The following DAB1 variants were observed in gnomAD, a reference collection of about 807,000 sequenced individuals.
The protein encoded by DAB1 is DAB adaptor protein 1, also known as disabled homolog 1.
A neutral mutation model predicts 64.6 loss-of-function variants in DAB1; 15 were observed. That is an observed-to-expected ratio of 0.23 (90% confidence interval 0.16 to 0.36). The LOEUF (loss-of-function observed/expected upper bound fraction) is 0.36. DAB1 is among the 10% of genes least tolerant of loss of function. The pLI is 1.00. For synonymous variants in DAB1, 235 were observed against 251.9 expected (o/e 0.93, Z 0.64); for missense variants, 596 against 706.7 (o/e 0.84, Z 1.78).
chr1:58,217,835 G>A (rs939748610), intron 4 of DAB1, among the ~76,000 whole-genome samples: 13 of 151,890 alleles, frequency 8.6e-5, no homozygotes, highest in African/African-American at 2.2e-4. Context: ...CACAGAGCCC[G>A]GCACTTGGTA....
At chr1:58,132,578 G>A (rs1653688100) in intron 5 of DAB1, among the ~76,000 whole-genome samples, 1 of 152,168 alleles carries the variant, frequency 6.6e-6, no homozygotes, top group Admixed American at 6.5e-5. Flanking sequence ...CAGTCTGCGT[G>A]AGATGAAACA....
intron 4 of DAB1, among the ~76,000 whole-genome samples, chr1:58,171,161 G>A (rs560909402): frequency 1.3e-5 from 2 of 152,206 alleles, no homozygotes; most frequent in African/African-American, 4.8e-5. Context: ...CATGAATATG[G>A]GGAACAAGTT....
At chr1:57,559,091 A>C (rs1171486549) in intron 7 of DAB1, among the ~76,000 whole-genome samples, 1 of 152,182 alleles carries the variant, frequency 6.6e-6, no homozygotes. Flanking sequence ...TCAACCATCA[A>C]AGGCAAGCTG....
At chr1:58,358,953 A>AACACACACACACACACACACAC (rs57077530) in intron 3 of DAB1, among the ~76,000 whole-genome samples, 6,654 of 123,662 alleles carry the variant, frequency 0.054, 266 homozygotes, top group Admixed American at 0.087. Context: ...CTCTCTCTGT[A>AACACACACACACACACACACAC]ACACACACAC....
At chr1:57,314,210 T>G (rs1674987260) in intron 1 of DAB1, among the ~76,000 whole-genome samples, 1 of 152,228 alleles carries the variant, frequency 6.6e-6, no homozygotes. Context: ...TCTCAATAGA[T>G]ACACATACTT....
At chr1:58,535,097 T>C (rs1646495718) in intron 1 of DAB1, among the ~76,000 whole-genome samples, 1 of 152,146 alleles carries the variant, frequency 6.6e-6, no homozygotes, top group African/African-American at 2.4e-5. Context: ...TTTTAAGGTG[T>C]TTTACTCACA....
At chr1:57,348,322 A>G (rs1678286469) in intron 1 of DAB1, among the ~76,000 whole-genome samples, 1 of 152,194 alleles carries the variant, frequency 6.6e-6, no homozygotes, top group Non-Finnish European at 1.5e-5. Flanking sequence ...AGCTGTGAAC[A>G]GGATAGAGGG....
chr1:57,912,458 T>C (rs1417736362), intron 5 of DAB1, among the ~76,000 whole-genome samples: 1 of 152,148 alleles, frequency 6.6e-6, no homozygotes, highest in Admixed American at 6.6e-5. Context: ...TAATAAGAGC[T>C]ATCTATGACA....
intron 2 of DAB1, among the ~76,000 whole-genome samples, chr1:57,168,857 A>G (rs1252998054): frequency 1.3e-5 from 2 of 152,050 alleles, no homozygotes; most frequent in Non-Finnish European, 2.9e-5. Flanking sequence ...GGAGTTTGAG[A>G]CCAGCCTGGG....
At chr1:57,956,576 A>C (rs563741986) in intron 5 of DAB1, among the ~76,000 whole-genome samples, 1 of 152,364 alleles carries the variant, frequency 6.6e-6, no homozygotes, top group Admixed American at 6.5e-5. Flanking sequence ...AGACCTCATT[A>C]AATAAAGACA....
chr1:57,598,027 G>T (rs971776665), intron 7 of DAB1, among the ~76,000 whole-genome samples: 5 of 152,030 alleles, frequency 3.3e-5, no homozygotes, highest in Admixed American at 6.5e-5. Flanking sequence ...TTGTCACCCA[G>T]GCTGCAGTGC....
chr1:58,524,074 T>C (rs534825842), intron 2 of DAB1, among the ~76,000 whole-genome samples: 1 of 152,336 alleles, frequency 6.6e-6, no homozygotes, highest in East Asian at 1.9e-4. Flanking sequence ...GCTCAGGGGT[T>C]ACCAGCTTTA....
intron 5 of DAB1, among the ~76,000 whole-genome samples, chr1:58,015,480 C>T (rs1374608814): frequency 1.3e-5 from 2 of 152,242 alleles, no homozygotes; most frequent in South Asian, 2.1e-4. Flanking sequence ...TTGGCCTTAA[C>T]GAGATAAACA....
At chr1:57,140,637 C>T (rs1319196888) in intron 3 of DAB1, among the ~76,000 whole-genome samples, 2 of 152,162 alleles carry the variant, frequency 1.3e-5, no homozygotes, top group Non-Finnish European at 2.9e-5. Context: ...TCACGTTTCT[C>T]ACCTCATAAG....
chr1:58,187,705 G>C (rs1001473936), intron 4 of DAB1, among the ~76,000 whole-genome samples: 20 of 150,690 alleles, frequency 1.3e-4, no homozygotes, highest in Non-Finnish European at 1.8e-4. Flanking sequence ...TTAGCCTCCA[G>C]AGTAGCTGTG....
chr1:58,393,201 G>A (rs61779028), intron 3 of DAB1, among the ~76,000 whole-genome samples: 2,265 of 144,934 alleles, frequency 0.016, 25 homozygotes, highest in African/African-American at 0.02. Context: ...GGGCTTAAGT[G>A]ATCCACTCAC....
chr1:57,333,462 G>A (rs1290283677), intron 1 of DAB1, among the ~76,000 whole-genome samples: 1 of 152,180 alleles, frequency 6.6e-6, no homozygotes, highest in Non-Finnish European at 1.5e-5. Flanking sequence ...CCCCATGCTG[G>A]GCACATTAAA....
At chr1:58,334,475 C>G (rs1399813521) in intron 4 of DAB1, among the ~76,000 whole-genome samples, 1 of 151,734 alleles carries the variant, frequency 6.6e-6, no homozygotes, top group East Asian at 1.9e-4. Context: ...AACTCGTTTT[C>G]TCATTTCTTA....
chr1:58,335,834 C>T (rs1924569), intron 4 of DAB1, among the ~76,000 whole-genome samples: 33,948 of 151,994 alleles, frequency 0.22, 4,964 homozygotes, highest in African/African-American at 0.42. Flanking sequence ...TTAGTAGATA[C>T]GATCCAGTCG....
Sources: allele counts gnomAD v4.1 joint callset (sites outside exome capture counted in the v4.1 genomes callset), GRCh38; gene constraint gnomAD v4.1.1; transcripts MANE v1.5; gene names NCBI Gene and HGNC (gene_info 2026-07-23, HGNC 2026-07-21).